Variants in MYB observed in about 807,000 individuals in gnomAD.
The protein encoded by MYB is transcriptional activator Myb.
Under a neutral mutation model 92.9 loss-of-function variants are expected in MYB, and 28 were observed. That is an observed-to-expected ratio of 0.30 (90% CI 0.22 to 0.41). The LOEUF (loss-of-function observed/expected upper bound fraction) is 0.41. MYB is among the 10% of genes least tolerant of loss of function. MYB has a pLI of 1.00. For missense variants in MYB, 679 were observed against 929.3 expected (o/e 0.73, Z 3.50); for synonymous variants, 295 against 329.1 (o/e 0.90, Z 1.12).
chr6:135,187,112 C>T (rs1204893846), intron 2 of MYB, among the ~76,000 whole-genome samples: 1 of 152,148 alleles, frequency 6.6e-6, no homozygotes, highest in Admixed American at 6.6e-5. Flanking sequence ...GTTACCTTTG[C>T]AGAAACATAA....
rs1348043104 is a variant in MYB at position 135,194,236 on chromosome 6, T to C, written c.844-120T>C. 4.2e-6 allele frequency: 3 copies of C among 721,248 alleles called. No homozygotes were observed. In the East Asian group the frequency reaches 7.8e-5, roughly 19 times the overall value. The allele number at this position is 721,248 out of a possible 1,614,324, so 44.7% of individuals were successfully genotyped here. A position where few individuals can be genotyped will look rare whatever the true frequency, so the allele number is the denominator to read the frequency against. On this transcript the variant is annotated intron_variant, in intron 7 of 15. Coordinates refer to ENST00000341911, the MANE Select transcript of MYB (RefSeq NM_001130173.2). The stretch of plus-strand genomic sequence containing the variant: ...TGCAGGAGCCAAATTTGGTTGGTGG[T>C]GTTGTCACAGTGAGGCTCTTTGGGC...
intron 1 of MYB, among the ~76,000 whole-genome samples, chr6:135,184,188 A>G (rs901562049): frequency 6.6e-6 from 1 of 152,178 alleles, no homozygotes; most frequent in Admixed American, 6.5e-5. Context: ...ACTTGAATCT[A>G]TGACTGCAGT....
chr6:135,217,651 C>T (rs1242527802), intron 15 of MYB, among the ~76,000 whole-genome samples: 1 of 152,154 alleles, frequency 6.6e-6, no homozygotes, highest in Non-Finnish European at 1.5e-5. Context: ...TATGAAGCTG[C>T]TTGGAATGGG....
In MYB at chr6:135,181,800, A is replaced by AG. The variant is rs1286430524; in HGVS notation, c.23+269dup. On this transcript the variant is annotated intron_variant, in intron 1 of 15. Coordinates refer to ENST00000341911, the MANE Select transcript of MYB (RefSeq NM_001130173.2). The surrounding 1 kb of genome is among the most constrained non-coding windows in gnomAD (Gnocchi z 5.3). ...GTTGCATGGGGATACATTTTTCTTTAGGGGGAAAAAGAAAGCACGTTCCAG... is the reference window on the plus strand; with the variant it reads ...GTTGCATGGGGATACATTTTTCTTTAGGGGGGAAAAAGAAAGCACGTTCCAG... 1.3e-5 allele frequency among the ~76,000 whole-genome samples: 2 copies of AG among 152,156 alleles called. No individual in the cohort carries two copies. The highest frequency in any genetic ancestry group is 2.9e-5 in the Non-Finnish European group (2 of 68,014).
In MYB at chr6:135,195,925, A is replaced by T. The variant is rs772444343; in HGVS notation, c.1126A>T (p.Ile376Phe). ...AAGCGCCTCGCCAGCAAGGTGCATG[A>T]TCGTCCACCAGGGCACCATTCTGGA... is the stretch of plus-strand genomic sequence containing the variant. ...EESASPARCMIVHQGTILDNV... is the reference protein window; with the variant it reads ...EESASPARCMFVHQGTILDNV... The change falls in exon 9 of 16, where the codon ATC (isoleucine) becomes TTC (phenylalanine). Residue 376 changes from isoleucine (I) to phenylalanine (F), a missense_variant. By Grantham distance (21) the Ile-to-Phe change is conservative (BLOSUM62 0). Transcript: ENST00000341911. The T allele has an allele frequency of 1.9e-6, 3 of 1,614,218 alleles. No individual in the cohort carries two copies. Among genetic ancestry groups the T allele is most frequent in the East Asian group, 4.5e-5 (2 of 44,888 alleles).
intron 8 of MYB, chr6:135,195,058 A>G (rs1027596045): frequency 7.6e-7 from 1 of 1,316,402 alleles, no homozygotes; most frequent in Admixed American, 2.1e-5. Context: ...ACCAACAAAG[A>G]CAATAAAAGA....
intron 8 of MYB, chr6:135,194,676 A>G (rs1777053477): frequency 8.8e-6 from 5 of 569,708 alleles, no homozygotes; most frequent in South Asian, 2.6e-5. Context: ...TAAAAATGCA[A>G]TATCCACTTA....
In MYB at chr6:135,200,070, G is replaced by C. The variant is rs1777848058; in HGVS notation, c.1710-15G>C. The C allele has an allele frequency of 6.3e-7, 1 of 1,594,222 alleles. No homozygotes were observed. On this transcript the variant is annotated splice_polypyrimidine_tract_variant and intron_variant, in intron 11 of 15. Coordinates refer to ENST00000341911, the MANE Select transcript of MYB (RefSeq NM_001130173.2). ...ATTCTTTTGTATTGAGCCACTGCTT[G>C]TTTTCTTTTTAAAGTTTTAGAACCC... is the stretch of plus-strand genomic sequence containing the variant.
intron 15 of MYB, among the ~76,000 whole-genome samples, chr6:135,206,220 A>AT (rs1347284857): frequency 3.2e-4 from 45 of 141,872 alleles, no homozygotes; most frequent in East Asian, 1.6e-3. Flanking sequence ...AAAAAAAAAA[A>AT]AAAAAAATAA....
intron 15 of MYB, among the ~76,000 whole-genome samples, chr6:135,208,029 C>A (rs1199732060): frequency 6.7e-6 from 1 of 149,228 alleles, no homozygotes; most frequent in Admixed American, 6.7e-5. Flanking sequence ...GCCTGGGCTA[C>A]CTCATCTCTT....
In MYB at chr6:135,198,943, C is replaced by T; in HGVS notation, c.1602C>T (p.Asp534=). ...LNTSSNHENS[D]LEMPSLTSTP... ...CTTCCAGTAACCATGAAAACTCAGA[C>T]TTGGAAATGCCTTCTTTAACTTCCA... Residue 534 remains aspartate, a synonymous_variant, in exon 11 of 16, where the codon GAC becomes GAT. Coordinates refer to ENST00000341911, the MANE Select transcript of MYB (RefSeq NM_001130173.2). 6.2e-7 allele frequency: 1 copy of T among 1,611,024 alleles called. No individual in the cohort carries two copies. The highest frequency in any genetic ancestry group is 8.5e-7 in the Non-Finnish European group (1 of 1,177,544).
In MYB at chr6:135,198,919, T is replaced by C. The variant is rs1777695627; in HGVS notation, c.1578T>C (p.Thr526=). ...CTCTCCATATTTAGTTCTTAAACAC[T>C]TCCAGTAACCATGAAAACTCAGACT... ...LPFSPSQFLN[T]SSNHENSDLE... Residue 526 remains threonine, a synonymous_variant, in exon 11 of 16, where the codon ACT becomes ACC. Transcript: ENST00000341911. 6.2e-7 allele frequency: 1 copy of C among 1,608,136 alleles called. No homozygotes were observed. Among genetic ancestry groups the C allele is most frequent in the East Asian group, 2.2e-5 (1 of 44,758 alleles).
intron 15 of MYB, among the ~76,000 whole-genome samples, chr6:135,212,984 T>C (rs1376236262): frequency 6.6e-6 from 1 of 152,244 alleles, no homozygotes; most frequent in African/African-American, 2.4e-5. Context: ...CTCAATCTTC[T>C]GATCTTCCTT....
intron 15 of MYB, among the ~76,000 whole-genome samples, chr6:135,214,336 A>G (rs762598886): frequency 1.6e-4 from 24 of 152,134 alleles, no homozygotes; most frequent in Non-Finnish European, 3.2e-4. Flanking sequence ...AAATAGAAAA[A>G]AAAAAATTCT....
In MYB at chr6:135,201,735, G is replaced by A. The variant is rs991310044; in HGVS notation, c.2047G>A (p.Val683Met). 1.3e-6 allele frequency: 2 copies of A among 1,496,844 alleles called. No individual in the cohort carries two copies. Among genetic ancestry groups the A allele is most frequent in the South Asian group, 1.3e-5 (1 of 75,716 alleles). 92.7% of individuals were successfully genotyped at this position (1,496,844 alleles called of 1,614,324 possible). The change falls in exon 14 of 16, where the codon GTG becomes ATG. Residue 683 changes from valine to methionine, a missense_variant. By Grantham distance (21) the Val-to-Met change is conservative. Coordinates refer to ENST00000341911, the MANE Select transcript of MYB (RefSeq NM_001130173.2). ...NTQLFTQTSP[V>M]ADAPNILTSS... ...CCAACTGTTCACGCAGACCTCGCCT[G>A]TGGCAGATGCACCGGTAAGTACGTG...
In MYB at chr6:135,218,847, AT is replaced by A. The variant is rs1219213110; in HGVS notation, c.*869del. On this transcript the variant is annotated 3_prime_UTR_variant, in exon 16 of 16. Transcript: ENST00000341911. Reference sequence around the variant, plus strand: ...CATTTTTTATTGTGGTTTTTTTGTTATTGTTGGTTTATACAAGCATGCGTTG... The same window carrying A: ...CATTTTTTATTGTGGTTTTTTTGTTATGTTGGTTTATACAAGCATGCGTTG... 8.9e-6 allele frequency: 2 copies of A among 224,464 alleles called. No homozygotes were observed. The highest frequency in any genetic ancestry group is 1.1e-4 in the Admixed American group (2 of 17,400). 13.9% of individuals were successfully genotyped at this position (224,464 alleles called of 1,614,324 possible). A position where few individuals can be genotyped will look rare whatever the true frequency, so the allele number is the denominator to read the frequency against.
At chr6:135,208,931 G>C (rs1278226880) in intron 15 of MYB, among the ~76,000 whole-genome samples, 1 of 152,128 alleles carries the variant, frequency 6.6e-6, no homozygotes, top group Non-Finnish European at 1.5e-5. Flanking sequence ...CTCTAGTCCA[G>C]TGCTGTCTAA....
chr6:135,187,954 A>G, intron 3 of MYB, 49 bp downstream of exon 3: 1 of 1,358,438 alleles, frequency 7.4e-7, no homozygotes. Flanking sequence ...TCTCCCAAAG[A>G]TTTCTATAAA....
At chr6:135,205,891 G>A (rs550242547) in intron 15 of MYB, among the ~76,000 whole-genome samples, 5 of 152,242 alleles carry the variant, frequency 3.3e-5, no homozygotes, top group Non-Finnish European at 5.9e-5. Context: ...GCAACATAGT[G>A]AGACTCAGTC....
Sources: allele counts gnomAD v4.1 joint callset (sites outside exome capture counted in the v4.1 genomes callset), GRCh38; gene constraint gnomAD v4.1.1; non-coding constraint Gnocchi (gnomAD v3.1); transcripts MANE v1.5; gene names NCBI Gene and HGNC (gene_info 2026-07-23, HGNC 2026-07-21).